Variants in TYW1 observed in about 807,000 individuals in gnomAD.
The protein encoded by TYW1 is tRNA-yW synthesizing protein 1 homolog, also known as S-adenosyl-L-methionine-dependent tRNA 4-demethylwyosine synthase TYW1.
Under a neutral mutation model 96.2 loss-of-function variants are expected in TYW1, and 46 were observed. The observed-to-expected ratio is 0.48, with a 90% confidence interval of 0.38 to 0.61. TYW1 has a LOEUF of 0.61. TYW1 is among the 20% of genes least tolerant of loss of function. The pLI is 0.00. For missense variants in TYW1, 684 were observed against 909.6 expected (o/e 0.75, Z 3.19); for synonymous variants, 274 against 323.0 (o/e 0.85, Z 1.63).
intron 14 of TYW1, among the ~76,000 whole-genome samples, chr7:67,188,006 A>C (rs1800082638): frequency 6.6e-6 from 1 of 152,220 alleles, no homozygotes; most frequent in Non-Finnish European, 1.5e-5. Flanking sequence ...TAAAGTTAAA[A>C]ATTTCTAAAA....
intron 13 of TYW1, among the ~76,000 whole-genome samples, chr7:67,177,289 T>A (rs1446871837): frequency 6.6e-6 from 1 of 151,758 alleles, no homozygotes; most frequent in Admixed American, 6.6e-5. Flanking sequence ...CTTATCTTCA[T>A]GCTCTTGATA....
intron 14 of TYW1, among the ~76,000 whole-genome samples, chr7:67,188,343 C>T (rs944923945): frequency 6.6e-6 from 1 of 151,942 alleles, no homozygotes; most frequent in East Asian, 1.9e-4. Context: ...TAAATAACAA[C>T]AACAATAATA....
chr7:67,115,886 A>G (rs1797579423), intron 12 of TYW1, among the ~76,000 whole-genome samples: 1 of 152,242 alleles, frequency 6.6e-6, no homozygotes, highest in South Asian at 2.1e-4. Context: ...TGTGGAATAA[A>G]TTGTGGAATC....
At chr7:67,075,583 A>C (rs773075747) in intron 10 of TYW1, among the ~76,000 whole-genome samples, 1 of 152,250 alleles carries the variant, frequency 6.6e-6, no homozygotes, top group Non-Finnish European at 1.5e-5. Flanking sequence ...GCATGGATTA[A>C]TGTTGAAAAT....
chr7:67,032,576 G>A (rs1222949610), intron 7 of TYW1, among the ~76,000 whole-genome samples: 27 of 152,246 alleles, frequency 1.8e-4, no homozygotes, highest in African/African-American at 6.5e-4. Context: ...AGCTGAGATC[G>A]TGCCACTGCA....
intron 7 of TYW1, among the ~76,000 whole-genome samples, chr7:67,041,466 A>AT (rs1795019113): frequency 6.6e-6 from 1 of 151,882 alleles, no homozygotes; most frequent in South Asian, 2.1e-4. Flanking sequence ...CGCCCGGCTA[A>AT]TTTTTGTATT....
chr7:67,081,564 C>T (rs1473362147), intron 10 of TYW1, among the ~76,000 whole-genome samples: 1 of 151,812 alleles, frequency 6.6e-6, no homozygotes. Flanking sequence ...CCCACCTGTT[C>T]TCCTTCTGGA....
At chr7:67,025,366 T>TA (rs3980716) in intron 7 of TYW1, among the ~76,000 whole-genome samples, 7,458 of 148,664 alleles carry the variant, frequency 0.05, 346 homozygotes, top group East Asian at 0.17. Context: ...GCTGATGAGC[T>TA]AAAAAAAAAA....
At chr7:67,207,242 C>T (rs1800832486) in intron 15 of TYW1, among the ~76,000 whole-genome samples, 1 of 152,200 alleles carries the variant, frequency 6.6e-6, no homozygotes, top group African/African-American at 2.4e-5. Flanking sequence ...TGGTACATAT[C>T]AGATTCTCCG....
chr7:67,068,154 T>TGGGGGGGG, intron 10 of TYW1, among the ~76,000 whole-genome samples: 1 of 152,196 alleles, frequency 6.6e-6, no homozygotes, highest in Non-Finnish European at 1.5e-5. Context: ...CCCAAGTAGC[T>TGGGGGGGG]GGGACTACAG....
At chr7:67,143,719 C>T (rs1162535566) in intron 13 of TYW1, among the ~76,000 whole-genome samples, 1 of 152,210 alleles carries the variant, frequency 6.6e-6, no homozygotes, top group East Asian at 1.9e-4. Flanking sequence ...CAAAGCTACA[C>T]TACTCCAAAA....
chr7:67,080,064 A>G (rs1359596458), intron 10 of TYW1, among the ~76,000 whole-genome samples: 1 of 152,136 alleles, frequency 6.6e-6, no homozygotes, highest in African/African-American at 2.4e-5. Flanking sequence ...GTAGTATGAA[A>G]TATTTTGTCA....
chr7:67,031,062 G>A (rs1357097329), intron 7 of TYW1, among the ~76,000 whole-genome samples: 6 of 133,618 alleles, frequency 4.5e-5, no homozygotes, highest in Admixed American at 2.3e-4. Context: ...GCGTGGTGGC[G>A]CATACCTGTA....
intron 13 of TYW1, among the ~76,000 whole-genome samples, chr7:67,130,713 A>C (rs931384685): frequency 6.6e-6 from 1 of 151,978 alleles, no homozygotes; most frequent in Non-Finnish European, 1.5e-5. Context: ...ATAACACTCC[A>C]ACACTCTTCT....
intron 15 of TYW1, among the ~76,000 whole-genome samples, chr7:67,210,387 C>G (rs1800959553): frequency 6.6e-6 from 1 of 152,148 alleles, no homozygotes; most frequent in Non-Finnish European, 1.5e-5. Flanking sequence ...TGACCTCGAT[C>G]CTCCAACTGA....
At chr7:67,191,976 A>G (rs934351993) in intron 14 of TYW1, among the ~76,000 whole-genome samples, 38 of 151,414 alleles carry the variant, frequency 2.5e-4, no homozygotes, top group African/African-American at 9.2e-4. Context: ...GCTTGCTGCA[A>G]TCTCCGCCTG....
chr7:67,032,311 G>A (rs1270180723), intron 7 of TYW1, among the ~76,000 whole-genome samples: 3 of 152,036 alleles, frequency 2.0e-5, no homozygotes, highest in African/African-American at 7.2e-5. Context: ...GCTGCGGGGA[G>A]GCAGGACAGA....
At position 67,112,642 on chromosome 7, in the gene TYW1, G is replaced by T. The variant is rs560633136; in HGVS notation, c.1563-4841G>T. Among the ~76,000 whole-genome samples, 115 of 151,266 alleles carry T rather than the reference G, an allele frequency of 7.6e-4. 1 individual carries two copies. Among genetic ancestry groups the T allele is most frequent in the African/African-American group, 2.8e-3 (114 of 41,240 alleles). On this transcript the variant is annotated intron_variant, in intron 12 of 15. Coordinates refer to ENST00000359626, the MANE Select transcript of TYW1 (RefSeq NM_018264.4). The stretch of plus-strand genomic sequence containing the variant: ...TAAAAAAAAAAAAAAGAAAACAAAA[G>T]AAAAATTAAGAATACAAACAGCTTT...
intron 10 of TYW1, among the ~76,000 whole-genome samples, chr7:67,078,062 G>GT (rs1796259098): frequency 6.6e-6 from 1 of 151,524 alleles, no homozygotes; most frequent in African/African-American, 2.4e-5. Context: ...TGCTGCTTTG[G>GT]TTACAGTAGG....
Sources: allele counts gnomAD v4.1 joint callset (sites outside exome capture counted in the v4.1 genomes callset), GRCh38; gene constraint gnomAD v4.1.1; transcripts MANE v1.5; gene names NCBI Gene and HGNC (gene_info 2026-07-23, HGNC 2026-07-21).